The following PTPRJ variants were observed in gnomAD, a reference collection of about 807,000 sequenced individuals.
PTPRJ encodes the protein receptor-type tyrosine-protein phosphatase eta.
Under a neutral mutation model 141.3 loss-of-function variants are expected in PTPRJ, and 129 were observed. The ratio of observed to expected loss-of-function variants is 0.91; its 90% CI spans 0.79 to 1.06. The LOEUF is 1.06. Among genes scored for constraint, PTPRJ ranks in the 50% least tolerant of loss-of-function variants. The pLI is 0.00. For missense variants in PTPRJ, 1,601 were observed against 1,679.7 expected (o/e 0.95, Z 0.82); for synonymous variants, 610 against 640.5 (o/e 0.95, Z 0.72).
At chr11:48,089,027 C>T (rs537045823) in intron 1 of PTPRJ, among the ~76,000 whole-genome samples, 1 of 129,754 alleles carries the variant, frequency 7.7e-6, no homozygotes, top group South Asian at 3.0e-4. Flanking sequence ...TCCCATTTTT[C>T]ATCCCCGGTT....
At chr11:48,106,147 A>G (rs1276627706) in intron 1 of PTPRJ, among the ~76,000 whole-genome samples, 1 of 152,152 alleles carries the variant, frequency 6.6e-6, no homozygotes, top group African/African-American at 2.4e-5. Flanking sequence ...AGGTATATGG[A>G]TGAAGGAGTA....
intron 24 of PTPRJ, 127 bp from the exon 25 acceptor site, chr11:48,167,077 C>A: frequency 1.3e-6 from 1 of 787,886 alleles, no homozygotes; most frequent in Non-Finnish European, 2.1e-6. Context: ...TTCGCTTGAA[C>A]CGTTTGCTGT....
intron 8 of PTPRJ, among the ~76,000 whole-genome samples, chr11:48,130,966 C>T (rs2134352302): frequency 7.0e-6 from 1 of 142,612 alleles, no homozygotes; most frequent in East Asian, 2.1e-4. Flanking sequence ...TAAACATATA[C>T]ATATAGATAC....
intron 1 of PTPRJ, among the ~76,000 whole-genome samples, chr11:48,102,327 A>G (rs995479055): frequency 6.6e-6 from 1 of 152,218 alleles, no homozygotes; most frequent in Non-Finnish European, 1.5e-5. Context: ...CTCAGATCCA[A>G]TTCATGTCTT....
At chr11:48,166,291 A>T (rs916635664) in intron 24 of PTPRJ, among the ~76,000 whole-genome samples, 5 of 151,524 alleles carry the variant, frequency 3.3e-5, no homozygotes, top group African/African-American at 1.2e-4. Flanking sequence ...ACACACACGC[A>T]CACACAGTAC....
chr11:48,009,357 A>G (rs965462083), intron 1 of PTPRJ, among the ~76,000 whole-genome samples: 16 of 152,212 alleles, frequency 1.1e-4, no homozygotes, highest in African/African-American at 3.6e-4. Flanking sequence ...GCACTTTGGG[A>G]GGCCGAGGCA....
chr11:48,051,215 C>T (rs1854562267), intron 1 of PTPRJ, among the ~76,000 whole-genome samples: 3 of 150,512 alleles, frequency 2.0e-5, no homozygotes, highest in Non-Finnish European at 4.4e-5. Context: ...CCTGCCTTGC[C>T]TCCTGAGTAG....
chr11:47,986,665 C>T (rs930942312), intron 1 of PTPRJ, among the ~76,000 whole-genome samples: 5 of 152,178 alleles, frequency 3.3e-5, no homozygotes, highest in African/African-American at 1.2e-4. Flanking sequence ...TACAGGCACG[C>T]TCCGTCATGT....
chr11:48,153,014 A>G (rs1048329735), intron 18 of PTPRJ, among the ~76,000 whole-genome samples: 2 of 152,108 alleles, frequency 1.3e-5, no homozygotes, highest in African/African-American at 4.8e-5. Flanking sequence ...TCACCTCTAC[A>G]TTTCCACTTT....
At chr11:48,157,189 A>T (rs973321328) in intron 21 of PTPRJ, among the ~76,000 whole-genome samples, 1 of 151,484 alleles carries the variant, frequency 6.6e-6, no homozygotes, top group East Asian at 2.0e-4. Context: ...GGGTTTCACT[A>T]TGTTGGCCAG....
At position 48,123,723 on chromosome 11, in the gene PTPRJ, AT is replaced by A; in HGVS notation, c.729del (p.Ile243MetfsTer7). ...CTCCTGCCGGGTTCTTCTTGAAAGCATTGGAAGCCATGAGGAGTTGACTCAA... is the reference window on the plus strand; with the variant it reads ...CTCCTGCCGGGTTCTTCTTGAAAGCATGGAAGCCATGAGGAGTTGACTCAA... ...TASCRVLLES[I>X]GSHEELTQDS... On this transcript the variant is annotated frameshift_variant, in exon 5 of 25. Transcript: ENST00000418331. LOFTEE classifies it high-confidence loss of function. 2 of 1,614,174 alleles carry A rather than the reference AT, an allele frequency of 1.2e-6. No homozygotes were observed. The highest frequency in any genetic ancestry group is 1.7e-6 in the Non-Finnish European group (2 of 1,180,020).
At chr11:48,082,771 G>A (rs1008390267) in intron 1 of PTPRJ, among the ~76,000 whole-genome samples, 1 of 151,882 alleles carries the variant, frequency 6.6e-6, no homozygotes, top group Non-Finnish European at 1.5e-5. Context: ...AAATTCATGC[G>A]GTGCAATAAA....
At chr11:48,061,810 A>G (rs1854934950) in intron 1 of PTPRJ, among the ~76,000 whole-genome samples, 1 of 152,078 alleles carries the variant, frequency 6.6e-6, no homozygotes, top group Non-Finnish European at 1.5e-5. Context: ...TGTTCACACA[A>G]CAACTCCATG....
intron 11 of PTPRJ, among the ~76,000 whole-genome samples, chr11:48,140,209 A>G (rs759695932): frequency 3.9e-5 from 6 of 152,038 alleles, no homozygotes; most frequent in African/African-American, 9.7e-5. Context: ...TAATTTTTGT[A>G]TTTAGAGATG....
chr11:48,139,460 C>A, intron 10 of PTPRJ, 26 bp from the exon 11 acceptor site: 3 of 1,604,926 alleles, frequency 1.9e-6, no homozygotes, highest in Admixed American at 1.7e-5. Flanking sequence ...CCCGGAATCT[C>A]ATGCTGTGCT....
chr11:48,125,118 A>G lies in PTPRJ; in HGVS notation c.1025A>G (p.Asn342Ser), dbSNP rs778335880. 3.0e-5 allele frequency: 48 copies of G among 1,613,870 alleles called. No individual in the cohort carries two copies. Among genetic ancestry groups the G allele is most frequent in the Non-Finnish European group, 3.4e-5 (40 of 1,179,996 alleles). ...GGGTTAGAGCCTGGCACCCGATACA[A>G]TGCCACCGTTTATTCCCAAGCAGCG... ...LVGLEPGTRY[N>S]ATVYSQAANG... The change falls in exon 6 of 25, where the codon AAT becomes AGT. Residue 342 changes from asparagine to serine, a missense_variant. By Grantham distance (46) the Asn-to-Ser change is conservative. Transcript: ENST00000418331.
At chr11:47,996,167 A>G (rs1047062497) in intron 1 of PTPRJ, among the ~76,000 whole-genome samples, 17 of 151,216 alleles carry the variant, frequency 1.1e-4, no homozygotes, top group Non-Finnish European at 1.8e-4. Flanking sequence ...CCCCATCTCT[A>G]CTAAAAATAC....
intron 1 of PTPRJ, among the ~76,000 whole-genome samples, chr11:47,989,246 T>C (rs1315058081): frequency 6.6e-6 from 1 of 151,498 alleles, no homozygotes; most frequent in Non-Finnish European, 1.5e-5. Flanking sequence ...GTCATTTGCC[T>C]CTGCTTCTTC....
intron 1 of PTPRJ, among the ~76,000 whole-genome samples, chr11:48,042,573 T>C (rs964136908): frequency 3.3e-5 from 5 of 152,220 alleles, no homozygotes; most frequent in Middle Eastern, 3.2e-3. Context: ...GAAATTGATG[T>C]TCTGCCAATG....
Sources: gnomAD v4.1 joint callset for allele counts (sites outside exome capture counted in the v4.1 genomes callset) on GRCh38, gnomAD v4.1.1 for gene constraint, MANE v1.5 for transcripts, NCBI Gene and HGNC (gene_info 2026-07-23, HGNC 2026-07-21) for gene names.